ECT2L: variants seen among roughly 807,000 people sequenced by gnomAD.
ECT2L encodes the protein epithelial cell transforming 2 like, also known as epithelial cell-transforming sequence 2 oncogene-like.
In ECT2L, 126 loss-of-function variants were observed where a neutral mutation model predicts 122.8. The ratio of observed to expected loss-of-function variants is 1.03; its 90% CI spans 0.89 to 1.19. The LOEUF (loss-of-function observed/expected upper bound fraction) is 1.19. Ranked by LOEUF, ECT2L falls within the 50% of genes most tolerant of loss-of-function variation. The pLI is 0.00. For missense variants in ECT2L, 1,012 were observed against 1,064.1 expected (o/e 0.95, Z 0.68); for synonymous variants, 385 against 381.8 (o/e 1.01, Z -0.10).
chr6:138,901,798 A>G (rs1293869667), intron 21 of ECT2L, among the ~76,000 whole-genome samples: 1 of 152,348 alleles, frequency 6.6e-6, no homozygotes, highest in South Asian at 2.1e-4. Flanking sequence ...TCTCATTCCA[A>G]TGTTTTTCAC....
chr6:138,862,742 G>A (rs12204850), intron 11 of ECT2L, 23 bp downstream of exon 11: 511,466 of 1,599,598 alleles, frequency 0.32, 85,158 homozygotes, highest in Admixed American at 0.4. Context: ...GGAGCTGAGC[G>A]CCACGTCCAA....
At chr6:138,838,220 A>T in intron 4 of ECT2L, 132 bp from the exon 5 acceptor site, 2 of 968,008 alleles carry the variant, frequency 2.1e-6, no homozygotes, top group Non-Finnish European at 2.9e-6. Flanking sequence ...TTTTAAATCT[A>T]GATTTATGTT....
intron 16 of ECT2L, among the ~76,000 whole-genome samples, chr6:138,884,643 A>C (rs902169985): frequency 2.0e-5 from 3 of 152,156 alleles, no homozygotes; most frequent in African/African-American, 7.2e-5. Flanking sequence ...GTCTCAAAAA[A>C]ACAAAAAACA....
At chr6:138,846,340 G>A (rs1472398388) in intron 7 of ECT2L, among the ~76,000 whole-genome samples, 199 bp from the exon 8 acceptor site, 1 of 152,158 alleles carries the variant, frequency 6.6e-6, no homozygotes, top group African/African-American at 2.4e-5. Context: ...GTGGAGGAGA[G>A]GCTCAGAGAA....
chr6:138,825,015 G>C (rs1444494403), intron 4 of ECT2L, among the ~76,000 whole-genome samples: 1 of 152,188 alleles, frequency 6.6e-6, no homozygotes, highest in African/African-American at 2.4e-5. Flanking sequence ...CATGATCCAA[G>C]GCCGGCCTGG....
intron 9 of ECT2L, 53 bp from the exon 10 acceptor site, chr6:138,853,973 C>T: frequency 6.4e-7 from 1 of 1,563,966 alleles, no homozygotes; most frequent in East Asian, 2.3e-5. Context: ...CTAATAATTT[C>T]TGTTCAGTAT....
chr6:138,848,010 GGA>G (rs1231282973), intron 8 of ECT2L, among the ~76,000 whole-genome samples: 1 of 152,176 alleles, frequency 6.6e-6, no homozygotes, highest in Non-Finnish European at 1.5e-5. Context: ...CATGACAGCA[GGA>G]GAGAGAAGAA....
At chr6:138,896,558 C>T (rs1212369108) in intron 20 of ECT2L, among the ~76,000 whole-genome samples, 1 of 152,176 alleles carries the variant, frequency 6.6e-6, no homozygotes, top group Non-Finnish European at 1.5e-5. Context: ...CCACTGTGAT[C>T]CACCAGGCTA....
chr6:138,894,307 A>C (rs897385188), intron 20 of ECT2L, among the ~76,000 whole-genome samples: 1 of 151,966 alleles, frequency 6.6e-6, no homozygotes, highest in Non-Finnish European at 1.5e-5. Flanking sequence ...CACCCGCCTC[A>C]GCCTCCCAAA....
chr6:138,885,814 A>C lies in ECT2L; in HGVS notation c.2243A>C (p.Lys748Thr), dbSNP rs1233214324. The change falls in exon 18 of 22, where the codon AAA becomes ACA. Residue 748 changes from lysine (K) to threonine (T), a missense_variant. Lys to Thr is a moderately conservative substitution (Grantham distance 78). Coordinates refer to ENST00000541398, the MANE Select transcript of ECT2L (RefSeq NM_001077706.3). ...GCAATTGACCAAATCAAAAAATATA[A>C]AGGTTATATAGATCAGGTTGGTTGC... ...TTAIDQIKKY[K>T]GYIDQMKQNI... 5 of 1,613,932 alleles carry C rather than the reference A, an allele frequency of 3.1e-6. No individual in the cohort carries two copies.
At chr6:138,831,006 A>G (rs1304418645) in intron 4 of ECT2L, among the ~76,000 whole-genome samples, 1 of 152,334 alleles carries the variant, frequency 6.6e-6, no homozygotes, top group East Asian at 1.9e-4. Context: ...CCCAAAACCA[A>G]CATGTCCAAG....
chr6:138,846,373 A>T (rs554669952), intron 7 of ECT2L, among the ~76,000 whole-genome samples, 166 bp from the exon 8 acceptor site: 39 of 152,344 alleles, frequency 2.6e-4, no homozygotes, highest in African/African-American at 9.4e-4. Flanking sequence ...CACTACACCC[A>T]GGAGCTCCAT....
At chr6:138,812,372 T>C (rs1328123583) in intron 1 of ECT2L, among the ~76,000 whole-genome samples, 1 of 152,240 alleles carries the variant, frequency 6.6e-6, no homozygotes, top group Non-Finnish European at 1.5e-5. Flanking sequence ...GTGTTTGTTG[T>C]TTTAAGCTGA....
chr6:138,843,692 T>C (rs1029682499), intron 6 of ECT2L, among the ~76,000 whole-genome samples: 2 of 152,092 alleles, frequency 1.3e-5, no homozygotes, highest in Non-Finnish European at 2.9e-5. Flanking sequence ...CCTATTTATT[T>C]ATTTATTTAT....
At chr6:138,839,250 A>G (rs543634045) in intron 5 of ECT2L, among the ~76,000 whole-genome samples, 123 of 152,364 alleles carry the variant, frequency 8.1e-4, no homozygotes, top group African/African-American at 2.9e-3. Flanking sequence ...AGTTGAAAGC[A>G]GTTAACAGCA....
At chr6:138,826,833 G>A (rs1202025835) in intron 4 of ECT2L, among the ~76,000 whole-genome samples, 1 of 151,958 alleles carries the variant, frequency 6.6e-6, no homozygotes, top group Non-Finnish European at 1.5e-5. Flanking sequence ...GTGAGTTCCT[G>A]AGAGATCTGG....
chr6:138,887,727 A>G (rs1778876319), intron 19 of ECT2L, among the ~76,000 whole-genome samples: 1 of 152,148 alleles, frequency 6.6e-6, no homozygotes, highest in Non-Finnish European at 1.5e-5. Context: ...CGATTCTCTA[A>G]TGTTAACCTC....
chr6:138,813,556 C>A (rs1775970495), intron 3 of ECT2L, among the ~76,000 whole-genome samples: 1 of 152,186 alleles, frequency 6.6e-6, no homozygotes, highest in Non-Finnish European at 1.5e-5. Flanking sequence ...GATGGCCTCC[C>A]CTTCCACTCA....
At chr6:138,826,537 G>A (rs1365162536) in intron 4 of ECT2L, among the ~76,000 whole-genome samples, 1 of 151,978 alleles carries the variant, frequency 6.6e-6, no homozygotes, top group East Asian at 1.9e-4. Context: ...TCAGCTGGGT[G>A]TTGTGGCAGT....
Sources: gnomAD v4.1 joint callset for allele counts (sites outside exome capture counted in the v4.1 genomes callset) on GRCh38, gnomAD v4.1.1 for gene constraint, MANE v1.5 for transcripts, NCBI Gene and HGNC (gene_info 2026-07-23, HGNC 2026-07-21) for gene names.